FBLIM1: variants seen among roughly 807,000 people sequenced by gnomAD.
The protein encoded by FBLIM1 is filamin binding LIM protein 1, also known as filamin-binding LIM protein 1.
A neutral mutation model predicts 37.4 loss-of-function variants in FBLIM1; 29 were observed. That is an observed-to-expected ratio of 0.77 (90% CI 0.58 to 1.06). FBLIM1 has a LOEUF of 1.06. FBLIM1 is among the 50% of genes least tolerant of loss of function. The probability of loss-of-function intolerance (pLI) is 0.00; values close to 1 mark genes in which losing one functional copy is unlikely to be tolerated. For missense variants in FBLIM1, 449 were observed against 505.6 expected, an observed-to-expected ratio of 0.89 and a Z score of 1.07; for synonymous variants, 193 against 199.0, an observed-to-expected ratio of 0.97 and a Z score of 0.25.
chr1:15,775,816 C>T (rs1189242193), intron 7 of FBLIM1, among the ~76,000 whole-genome samples: 1 of 152,020 alleles, frequency 6.6e-6, no homozygotes, highest in Non-Finnish European at 1.5e-5. Flanking sequence ...GAGAGGGAAA[C>T]CTAGCAGGGC....
In FBLIM1 at chr1:15,767,506, C is replaced by A; in HGVS notation, c.381C>A (p.Ala127=). Residue 127 remains alanine (A), a synonymous_variant, in exon 4 of 9, where the codon GCC becomes GCA. Coordinates refer to ENST00000375766, the MANE Select transcript of FBLIM1 (RefSeq NM_017556.4). ...AGGAGGCTCCTGCTCCAATGGGGGC[C>A]TCACTCATTGCAGACTTAGAGCAGC... ...SEEEAPAPMG[A]SLIADLEQLH... The A allele has an allele frequency of 6.5e-7, 1 of 1,540,164 alleles. No individual in the cohort carries two copies. The highest frequency in any genetic ancestry group is 8.7e-7 in the Non-Finnish European group (1 of 1,147,780).
intron 1 of FBLIM1, among the ~76,000 whole-genome samples, chr1:15,763,090 C>T (rs2068752016): frequency 6.7e-6 from 1 of 149,940 alleles, no homozygotes; most frequent in Admixed American, 6.6e-5. Flanking sequence ...TTTTTTTAGA[C>T]AGAGTTTCGC....
Position 15,765,709 on chromosome 1 carries a change from G to C in FBLIM1, c.250+476G>C, listed in dbSNP as rs370587061. ...GGGATGCTGCCAGCTGCTTGAAGCC[G>C]TCTACACCGAAGGCTGCCATCTGCC... On this transcript the variant is annotated intron_variant, in intron 3 of 8. Transcript: ENST00000375766. The surrounding 1 kb of genome is among the most constrained non-coding windows in gnomAD (Gnocchi z 5.9). 6.6e-6 allele frequency among the ~76,000 whole-genome samples: 1 copy of C among 152,032 alleles called. No homozygotes were observed. The highest frequency in any genetic ancestry group is 1.5e-5 in the Non-Finnish European group (1 of 68,010).
At chr1:15,761,599 G>A (rs1557683440) in intron 1 of FBLIM1, among the ~76,000 whole-genome samples, 1 of 152,164 alleles carries the variant, frequency 6.6e-6, no homozygotes, top group Admixed American at 6.5e-5. Context: ...ACTAAAGCCC[G>A]TGACAGCCAG....
intron 6 of FBLIM1, among the ~76,000 whole-genome samples, chr1:15,773,681 G>GAAAAAAAAAAAAAAA: frequency 9.3e-6 from 1 of 106,970 alleles, no homozygotes; most frequent in Non-Finnish European, 1.9e-5. Flanking sequence ...CTCCGTCTCA[G>GAAAAAAAAAAAAAAA]AAAAAAAAAA....
chr1:15,779,187 C>T (rs1430954268), intron 8 of FBLIM1, among the ~76,000 whole-genome samples: 5 of 152,014 alleles, frequency 3.3e-5, no homozygotes, highest in Non-Finnish European at 7.4e-5. Context: ...CCACCTGCCT[C>T]GGCCTCCCAA....
rs147639515 is a variant in FBLIM1, at chr1:15,767,451, C to T, written c.326C>T (p.Pro109Leu). 774 of 1,567,530 alleles carry T rather than the reference C, an allele frequency of 4.9e-4. 1 individual carries two copies. The highest frequency in any genetic ancestry group is 6.2e-4 in the Non-Finnish European group (713 of 1,154,406). The change falls in exon 4 of 9, where the codon CCG becomes CTG. Residue 109 changes from proline (P) to leucine (L), a missense_variant. Physicochemically the swap from Pro to Leu is moderately conservative, Grantham distance 98. Coordinates refer to ENST00000375766, the MANE Select transcript of FBLIM1 (RefSeq NM_017556.4). ...PDLDLLPPPPPPPPVLLPSEE... is the reference protein window; with the variant it reads ...PDLDLLPPPPLPPPVLLPSEE... Reference sequence around the variant, plus strand: ...CTGGACCTCCTCCCACCCCCTCCACCGCCCCCTCCAGTGCTTCTGCCTTCT... The same window carrying T: ...CTGGACCTCCTCCCACCCCCTCCACTGCCCCCTCCAGTGCTTCTGCCTTCT...
chr1:15,777,126 T>C, intron 7 of FBLIM1, 44 bp from the exon 8 acceptor site: 1 of 1,485,078 alleles, frequency 6.7e-7, no homozygotes, highest in South Asian at 1.2e-5. Context: ...ATTTCTGTGG[T>C]TGTGGCATGA....
chr1:15,772,175 T>C (rs142152585), intron 6 of FBLIM1, among the ~76,000 whole-genome samples: 1 of 152,244 alleles, frequency 6.6e-6, no homozygotes, highest in East Asian at 1.9e-4. Context: ...TTCTCATGCA[T>C]ATAGAAGTTT....
Position 15,784,779 on chromosome 1 carries a change from C to A in FBLIM1, c.*118C>A. The A allele has an allele frequency of 1.2e-6, 1 of 860,114 alleles. No individual in the cohort carries two copies. Among genetic ancestry groups the A allele is most frequent in the Non-Finnish European group, 1.8e-6 (1 of 548,114 alleles). The allele number at this position is 860,114 out of a possible 1,614,324, so 53.3% of individuals were successfully genotyped here. A position where few individuals can be genotyped will look rare whatever the true frequency, so the allele number is the denominator to read the frequency against. On this transcript the variant is annotated 3_prime_UTR_variant, in exon 9 of 9. Transcript: ENST00000375766. ...CTTCTGAGCCTCCATGGAGACCAGC[C>A]TGCAAGCCGGCCCAGCCTGTCCAGG...
Position 15,768,525 on chromosome 1 carries a change from C to T in FBLIM1, c.439-3C>T. On this transcript the variant is annotated splice_region_variant and splice_polypyrimidine_tract_variant and intron_variant, in intron 4 of 8. Coordinates refer to ENST00000375766, the MANE Select transcript of FBLIM1 (RefSeq NM_017556.4). ...GGATGACTCCCCGTCTGCATCCCCA[C>T]AGGCCCCAGCGGAGGGACCTTCAGT... 1.3e-6 allele frequency: 2 copies of T among 1,563,102 alleles called. No individual in the cohort carries two copies. The highest frequency in any genetic ancestry group is 1.4e-5 in the African/African-American group (1 of 72,940).
At chr1:15,779,419 C>T (rs10157704) in intron 8 of FBLIM1, among the ~76,000 whole-genome samples, 65,157 of 151,820 alleles carry the variant, frequency 0.43, 14,727 homozygotes, top group East Asian at 0.76. Flanking sequence ...GTTCTCCTGC[C>T]TCAGCCTACC....
At chr1:15,771,927 AG>A (rs1414898354) in intron 6 of FBLIM1, among the ~76,000 whole-genome samples, 1 of 151,770 alleles carries the variant, frequency 6.6e-6, no homozygotes, top group African/African-American at 2.4e-5. Context: ...GTAGAGCCAC[AG>A]GGTTCCAATG....
rs1482544771 is a variant in FBLIM1 at position 15,770,566 on chromosome 1, A to G, written c.699A>G (p.Glu233=). Residue 233 remains glutamate (E), a synonymous_variant, in exon 6 of 9, where the codon GAA becomes GAG. Coordinates refer to ENST00000375766, the MANE Select transcript of FBLIM1 (RefSeq NM_017556.4). ...FYQKDGRPLC[E]PCYQDTLERC... Reference sequence around the variant, plus strand: ...AGAAGGATGGGCGACCCCTCTGCGAACCCTGCTACCAGGTAACCCCTGCAG... The same window carrying G: ...AGAAGGATGGGCGACCCCTCTGCGAGCCCTGCTACCAGGTAACCCCTGCAG... 2 of 1,613,758 alleles carry G rather than the reference A, an allele frequency of 1.2e-6. No individual in the cohort carries two copies. Among genetic ancestry groups the G allele is most frequent in the Non-Finnish European group, 1.7e-6 (2 of 1,179,932 alleles).
rs1272985629 is a variant in FBLIM1, at chr1:15,785,662, T to A, written c.*1001T>A. On this transcript the variant is annotated 3_prime_UTR_variant, in exon 9 of 9. Transcript: ENST00000375766. ...AAAAAAAAAGTGCTTTTTGAAAATG[T>A]TGAGGTTGAAATGATGGGAACCAAC... The A allele has an allele frequency of 2.0e-5, 3 of 151,944 alleles. No individual in the cohort carries two copies. Among genetic ancestry groups the A allele is most frequent in the Admixed American group, 2.0e-4 (3 of 15,244 alleles). 9.4% of individuals were successfully genotyped at this position (151,944 alleles called of 1,614,324 possible).
In FBLIM1 at chr1:15,784,654, G is replaced by A; in HGVS notation, c.1115G>A (p.Cys372Tyr). ...PCHVKRSAAG[C>Y]C ...CATGTGAAGCGGAGTGCTGCGGGGT[G>A]CTGCTGAGAGTGCCCGCTGGGCAGT... is the stretch of plus-strand genomic sequence containing the variant. The change falls in exon 9 of 9, where the codon TGC (cysteine) becomes TAC (tyrosine). Residue 372 changes from cysteine to tyrosine, a missense_variant. Coordinates refer to ENST00000375766, the MANE Select transcript of FBLIM1 (RefSeq NM_017556.4). The A allele has an allele frequency of 3.1e-6, 5 of 1,613,856 alleles. No homozygotes were observed. Among genetic ancestry groups the A allele is most frequent in the Non-Finnish European group, 4.2e-6 (5 of 1,179,774 alleles).
At chr1:15,757,770 C>T (rs189519654), upstream of FBLIM1, among the ~76,000 whole-genome samples, 30 of 152,328 alleles carry the variant, frequency 2.0e-4, no homozygotes, top group Non-Finnish European at 4.0e-4. The surrounding 1 kb of genome is among the most constrained non-coding windows in gnomAD (Gnocchi z 4.1). Flanking sequence ...CTGAATCAGA[C>T]CCAGATTCCT....
At chr1:15,772,821 G>T (rs575359962) in intron 6 of FBLIM1, among the ~76,000 whole-genome samples, 8 of 152,146 alleles carry the variant, frequency 5.3e-5, no homozygotes, top group African/African-American at 1.9e-4. Context: ...ATTAAAATAT[G>T]TTTTTAAAGA....
At position 15,777,238 on chromosome 1, in the gene FBLIM1, A is replaced by G. The variant is rs1201179909; in HGVS notation, c.959A>G (p.Lys320Arg). The change falls in exon 8 of 9, where the codon AAA (lysine) becomes AGA (arginine). Residue 320 changes from lysine to arginine, a missense_variant. By Grantham distance (26) the Lys-to-Arg change is conservative (BLOSUM62 2). Transcript: ENST00000375766. ...IIPRDGKDAF[K>R]IECMGRNFHE... ...CCTCGGGATGGGAAAGATGCCTTCA[A>G]AATCGAATGCATGGGAAGAAACTTC... 1.9e-6 allele frequency: 3 copies of G among 1,613,608 alleles called. No homozygotes were observed. The South Asian group carries it at 3.3e-5, about 18-fold the overall frequency.
Sources: allele counts gnomAD v4.1 joint callset (sites outside exome capture counted in the v4.1 genomes callset), GRCh38; gene constraint gnomAD v4.1.1; non-coding constraint Gnocchi (gnomAD v3.1); transcripts MANE v1.5; gene names NCBI Gene and HGNC (gene_info 2026-07-23, HGNC 2026-07-21).